CASD1: variants seen among roughly 807,000 people sequenced by gnomAD.
The protein encoded by CASD1 is CAS1 domain sialic acid O acetyltransferase 1, also known as N-acetylneuraminate (7)9-O-acetyltransferase.
A neutral mutation model predicts 100.0 loss-of-function variants in CASD1; 41 were observed. The observed-to-expected ratio is 0.41, with a 90% CI of 0.32 to 0.53. CASD1 has a LOEUF of 0.53. CASD1 is among the 20% of genes least tolerant of loss of function. CASD1 has a pLI of 0.25. For missense variants in CASD1, 774 were observed against 948.7 expected (o/e 0.82, Z 2.42); for synonymous variants, 321 against 315.6 (o/e 1.02, Z -0.18).
At chr7:94,557,852 G>A (rs1206838438), downstream of CASD1, among the ~76,000 whole-genome samples, 1 of 151,904 alleles carries the variant, frequency 6.6e-6, no homozygotes, top group East Asian at 1.9e-4. Context: ...TATTGTGGAA[G>A]TTGCCACAAT....
At chr7:94,517,746 T>A (rs1794048799) in intron 2 of CASD1, 90 bp downstream of exon 2, 3 of 744,570 alleles carry the variant, frequency 4.0e-6, no homozygotes, top group Non-Finnish European at 6.8e-6. Context: ...TTTTCATCTC[T>A]ATGTTGGGGT....
the CASD1 span, among the ~76,000 whole-genome samples, chr7:94,577,231 G>A: frequency 6.6e-6 from 1 of 152,052 alleles, no homozygotes; most frequent in East Asian, 1.9e-4. Flanking sequence ...GTGGTTTTGT[G>A]TGTTTTTGAA....
chr7:94,554,641 G>A, intron 17 of CASD1, 66 bp downstream of exon 17: 1 of 998,994 alleles, frequency 1.0e-6, no homozygotes, highest in Non-Finnish European at 1.6e-6. Flanking sequence ...ATGTACGTGT[G>A]TGTGTGTAAA....
chr7:94,588,215 G>A, the CASD1 span: 1 of 1,072,208 alleles, frequency 9.3e-7, no homozygotes, highest in Non-Finnish European at 1.1e-6. Flanking sequence ...CATTGGTCAT[G>A]TTATAACAGC....
the CASD1 span, among the ~76,000 whole-genome samples, chr7:94,566,163 A>G: frequency 6.6e-6 from 1 of 152,224 alleles, no homozygotes; most frequent in African/African-American, 2.4e-5. Context: ...GAGCATTTAT[A>G]GTTAATAACA....
chr7:94,603,940 T>A, the CASD1 span, among the ~76,000 whole-genome samples: 1 of 152,144 alleles, frequency 6.6e-6, no homozygotes. Flanking sequence ...GGGTAGACAT[T>A]ACTATTTTAC....
chr7:94,598,871 G>C, the CASD1 span: 67 of 1,612,094 alleles, frequency 4.2e-5, no homozygotes, highest in Middle Eastern at 6.6e-4. Context: ...CACAGGAAGC[G>C]TTGACAGGGG....
At chr7:94,537,438 A>G in intron 8 of CASD1, 34 bp from the exon 9 acceptor site, 1 of 1,551,434 alleles carries the variant, frequency 6.4e-7, no homozygotes, top group South Asian at 1.2e-5. Context: ...CATCACTGAC[A>G]AGATAATAAC....
At chr7:94,601,884 T>G in the CASD1 span, among the ~76,000 whole-genome samples, 1 of 152,158 alleles carries the variant, frequency 6.6e-6, no homozygotes, top group Non-Finnish European at 1.5e-5. Context: ...CTTTTATATT[T>G]TATTTATTAT....
chr7:94,521,317 GTAAGAAGCAATGGTTT>G (rs1232862385), intron 3 of CASD1, among the ~76,000 whole-genome samples: 6 of 152,150 alleles, frequency 3.9e-5, no homozygotes, highest in Non-Finnish European at 7.3e-5. Context: ...TATCTGAAAT[GTAAGAAGCAATGGTTT>G]AAGAAAATAG....
chr7:94,612,801 ATCT>A, the CASD1 span, among the ~76,000 whole-genome samples: 1 of 151,988 alleles, frequency 6.6e-6, no homozygotes, highest in Admixed American at 6.6e-5. Context: ...TCCTCCTTCT[ATCT>A]TCTTCTCTCT....
the CASD1 span, chr7:94,598,939 A>G: frequency 1.8e-5 from 29 of 1,613,898 alleles, no homozygotes; most frequent in Non-Finnish European, 2.4e-5. Context: ...ATTTCTGAAT[A>G]GCACTGTGAT....
At chr7:94,589,106 C>G in the CASD1 span, 1 of 256,862 alleles carries the variant, frequency 3.9e-6, no homozygotes, top group Non-Finnish European at 7.7e-6. Flanking sequence ...TGCTCTTAAC[C>G]TATACACTTT....
intron 1 of CASD1, among the ~76,000 whole-genome samples, chr7:94,510,754 GC>G (rs1793664506): frequency 6.6e-6 from 1 of 152,272 alleles, no homozygotes; most frequent in Admixed American, 6.5e-5. Context: ...GGCAAGGGCC[GC>G]CCCCATTTTC....
At chr7:94,552,492 C>T in intron 16 of CASD1, 65 bp downstream of exon 16, 2 of 1,248,118 alleles carry the variant, frequency 1.6e-6, no homozygotes, top group East Asian at 4.8e-5. Context: ...TTTTTAGAGG[C>T]AGAGAGATTT....
At chr7:94,518,472 G>A in intron 3 of CASD1, 149 bp downstream of exon 3, 1 of 573,494 alleles carries the variant, frequency 1.7e-6, no homozygotes, top group South Asian at 3.0e-5. Flanking sequence ...GGGATGAATT[G>A]CTTTAATGAG....
At chr7:94,599,637 A>G in the CASD1 span, 4 of 1,332,294 alleles carry the variant, frequency 3.0e-6, no homozygotes, top group African/African-American at 1.4e-5. Context: ...ATGGAGCATG[A>G]TGGGCAACTG....
the CASD1 span, among the ~76,000 whole-genome samples, chr7:94,591,645 C>T: frequency 1.1e-4 from 17 of 152,258 alleles, no homozygotes; most frequent in East Asian, 3.3e-3. Context: ...CTTGTTGGCC[C>T]TCCCAACTGA....
At chr7:94,599,206 A>G in the CASD1 span, 3 of 443,958 alleles carry the variant, frequency 6.8e-6, no homozygotes, top group Non-Finnish European at 1.2e-5. Context: ...GCTATGAAGC[A>G]TTGTATTAAT....
Sources: allele counts gnomAD v4.1 joint callset (sites outside exome capture counted in the v4.1 genomes callset), GRCh38; gene constraint gnomAD v4.1.1; transcripts MANE v1.5; gene names NCBI Gene and HGNC (gene_info 2026-07-23, HGNC 2026-07-21).